Variants in PRR4 observed in about 807,000 individuals in gnomAD.
PRR4 encodes the protein proline-rich protein 4.
A neutral mutation model predicts 7.6 loss-of-function variants in PRR4; 7 were observed. The observed-to-expected ratio is 0.92, with a 90% CI of 0.52 to 1.73. PRR4 has a LOEUF of 1.73. PRR4 is among the 40% of genes most tolerant of loss of function. PRR4 has a pLI of 0.00. For missense variants in PRR4, 187 were observed against 161.0 expected, an observed-to-expected ratio of 1.16 and a Z score of -0.87; for synonymous variants, 64 against 58.5, an observed-to-expected ratio of 1.09 and a Z score of -0.43.
chr12:10,848,264 C>A, intron 2 of PRR4, 108 bp downstream of exon 2: 1 of 1,119,898 alleles, frequency 8.9e-7, no homozygotes, highest in Non-Finnish European at 1.3e-6. Flanking sequence ...ACCCCTCTTA[C>A]CACCTCCTCC....
rs1421829651 is a variant in PRR4, at chr12:10,847,094, G to C, written c.374C>G (p.Ala125Gly). 1 of 1,603,504 alleles carries C rather than the reference G, an allele frequency of 6.2e-7. No homozygotes were observed. Among genetic ancestry groups the C allele is most frequent in the Non-Finnish European group, 8.5e-7 (1 of 1,173,310 alleles). ...GAGTGGTTGCTCCTGGGGATGTCTT[G>C]CTGGTCTGTCCCTCTGGAAGAATGA... ...ASSFFQRDRP[A>G]RHPQEQPLW Residue 125 changes from alanine to glycine, a missense_variant, in exon 3 of 4, where the codon GCA (alanine) becomes GGA (glycine). Transcript: ENST00000228811.
At chr12:10,847,438 C>G in intron 2 of PRR4, 71 bp from the exon 3 acceptor site, 1 of 1,209,708 alleles carries the variant, frequency 8.3e-7, no homozygotes, top group Non-Finnish European at 1.1e-6. Flanking sequence ...TTATACTTCT[C>G]TCACCTTACC....
chr12:10,848,790 G>T, intron 1 of PRR4: 1 of 201,890 alleles, frequency 5.0e-6, no homozygotes, highest in Non-Finnish European at 9.8e-6. Flanking sequence ...TAAATATTTG[G>T]ATATAATCTT....
At chr12:10,846,095 T>C in intron 3 of PRR4, 145 bp from the exon 4 acceptor site, 1 of 565,108 alleles carries the variant, frequency 1.8e-6, no homozygotes, top group Non-Finnish European at 2.7e-6. Flanking sequence ...ATGTTTTGGT[T>C]ACTGTTCAAA....
At chr12:10,849,353 T>C in intron 1 of PRR4, 21 bp downstream of exon 1, 1 of 1,550,786 alleles carries the variant, frequency 6.4e-7, no homozygotes. Context: ...ATCTCCTTTT[T>C]TAAAAAAATA....
chr12:10,847,191 G>C lies in PRR4; in HGVS notation c.277C>G (p.Arg93Gly). 1.2e-6 allele frequency: 2 copies of C among 1,613,740 alleles called. No individual in the cohort carries two copies. Among genetic ancestry groups the C allele is most frequent in the South Asian group, 1.1e-5 (1 of 90,994 alleles). ...TGACGGTGTCCTCGTCGGGGTGGTCGTTGCTGATTTTGAAAAGGAGGTGGG... is the reference window on the plus strand; with the variant it reads ...TGACGGTGTCCTCGTCGGGGTGGTCCTTGCTGATTTTGAAAAGGAGGTGGG... ...PPPPPFQNQQ[R>G]PPRRGHRQLS... Residue 93 changes from arginine to glycine, a missense_variant, in exon 3 of 4, where the codon CGA becomes GGA. Physicochemically the swap from Arg to Gly is moderately radical, Grantham distance 125. Coordinates refer to ENST00000228811, the MANE Select transcript of PRR4 (RefSeq NM_007244.3).
chr12:10,845,993 C>T, intron 3 of PRR4, 43 bp from the exon 4 acceptor site: 1 of 1,237,076 alleles, frequency 8.1e-7, no homozygotes, highest in Non-Finnish European at 1.1e-6. Context: ...ACACAACATA[C>T]AACATGGCAA....
chr12:10,847,098 G>C lies in PRR4; in HGVS notation c.370C>G (p.Pro124Ala). The C allele has an allele frequency of 1.9e-6, 3 of 1,607,106 alleles. No individual in the cohort carries two copies. Among genetic ancestry groups the C allele is most frequent in the Non-Finnish European group, 2.6e-6 (3 of 1,175,682 alleles). The change falls in exon 3 of 4, where the codon CCA (proline) becomes GCA (alanine). Residue 124 changes from proline to alanine, a missense_variant. Coordinates refer to ENST00000228811, the MANE Select transcript of PRR4 (RefSeq NM_007244.3). ...GGTTGCTCCTGGGGATGTCTTGCTG[G>C]TCTGTCCCTCTGGAAGAATGATGAT... Reference protein sequence around the residue: ...EASSFFQRDRPARHPQEQPLW With the variant: ...EASSFFQRDRAARHPQEQPLW
chr12:10,849,333 C>A (rs1399058043), intron 1 of PRR4, 41 bp downstream of exon 1: 5 of 1,369,086 alleles, frequency 3.7e-6, no homozygotes, highest in Non-Finnish European at 5.0e-6. Context: ...GGCCCCTCAT[C>A]CCACTCCCCA....
chr12:10,848,308 A>G (rs1037278536), intron 2 of PRR4, 64 bp downstream of exon 2: 1 of 1,521,006 alleles, frequency 6.6e-7, no homozygotes, highest in African/African-American at 1.4e-5. Flanking sequence ...ACTGAAGGAA[A>G]CTAAAAAGAA....
chr12:10,848,591 T>C, intron 1 of PRR4, 184 bp from the exon 2 acceptor site: 1 of 500,084 alleles, frequency 2.0e-6, no homozygotes, highest in Non-Finnish European at 3.5e-6. Flanking sequence ...ATTGTTACTA[T>C]CGCTGAGCAT....
chr12:10,848,268 C>T, intron 2 of PRR4, 104 bp downstream of exon 2: 1 of 1,175,564 alleles, frequency 8.5e-7, no homozygotes, highest in Non-Finnish European at 1.2e-6. Context: ...CTCTTACCAC[C>T]TCCTCCCAAA....
rs200531329 is a variant in PRR4 at position 10,847,317 on chromosome 12, G to A, written c.151C>T (p.Pro51Ser). 1.9e-6 allele frequency: 3 copies of A among 1,586,792 alleles called. No individual in the cohort carries two copies. The highest frequency in any genetic ancestry group is 1.1e-5 in the South Asian group (1 of 87,206). ...RPDQGPQRPP[P>S]EGLLPRPPGD... Reference sequence around the variant, plus strand: ...GGGGGTCTAGGTAGGAGTCCTTCAGGAGGAGGTCTCTGGGGTCCCTGATCT... The same window carrying A: ...GGGGGTCTAGGTAGGAGTCCTTCAGAAGGAGGTCTCTGGGGTCCCTGATCT... Residue 51 changes from proline (P) to serine (S), a missense_variant, in exon 3 of 4, where the codon CCT becomes TCT. Coordinates refer to ENST00000228811, the MANE Select transcript of PRR4 (RefSeq NM_007244.3).
At chr12:10,848,512 C>A (rs1479068775) in intron 1 of PRR4, 105 bp from the exon 2 acceptor site, 4 of 989,914 alleles carry the variant, frequency 4.0e-6, no homozygotes, top group African/African-American at 3.3e-5. Flanking sequence ...CTGTGCATCC[C>A]CTAAGTTACC....
chr12:10,849,344 T>A (rs1332688485), intron 1 of PRR4, 30 bp downstream of exon 1: 2 of 1,480,016 alleles, frequency 1.4e-6, no homozygotes, highest in Non-Finnish European at 1.8e-6. Context: ...CCACTCCCCA[T>A]CTCCTTTTTT....
At position 10,848,313 on chromosome 12, in the gene PRR4, A is replaced by G. The variant is rs557071901; in HGVS notation, c.100+59T>C. Reference sequence around the variant, plus strand: ...AGAAGAAGACACTGAAGGAAACTAAAAAGAAATTCTAGTGGAAAAAGAAAG... The same window carrying G: ...AGAAGAAGACACTGAAGGAAACTAAGAAGAAATTCTAGTGGAAAAAGAAAG... On this transcript the variant is annotated intron_variant, in intron 2 of 3. Coordinates refer to ENST00000228811, the MANE Select transcript of PRR4 (RefSeq NM_007244.3). 2.6e-6 allele frequency: 4 copies of G among 1,541,448 alleles called. No individual in the cohort carries two copies. The South Asian group carries it at 4.6e-5, about 18-fold the overall frequency.
intron 3 of PRR4, 172 bp downstream of exon 3, chr12:10,846,873 G>C (rs1050792310): frequency 6.9e-6 from 4 of 581,996 alleles, no homozygotes; most frequent in Non-Finnish European, 1.1e-5. Flanking sequence ...TGAACCACTT[G>C]TTAAAAATAC....
At chr12:10,848,284 G>C in intron 2 of PRR4, 88 bp downstream of exon 2, 1 of 1,344,196 alleles carries the variant, frequency 7.4e-7, no homozygotes, top group Admixed American at 2.0e-5. Context: ...CCAAAAAAAT[G>C]ATGAGAAGAA....
chr12:10,849,336 A>G (rs1304397562), intron 1 of PRR4, 38 bp downstream of exon 1: 2 of 1,402,468 alleles, frequency 1.4e-6, no homozygotes, highest in Non-Finnish European at 1.9e-6. Context: ...CCCTCATCCC[A>G]CTCCCCATCT....
Sources: gnomAD v4.1 joint callset for allele counts on GRCh38, gnomAD v4.1.1 for gene constraint, MANE v1.5 for transcripts, NCBI Gene and HGNC (gene_info 2026-07-23, HGNC 2026-07-21) for gene names.